The following SLC14A2 variants were observed in gnomAD, a reference collection of about 807,000 sequenced individuals.
SLC14A2 encodes the protein urea transporter 2.
SLC14A2 carries 91 observed loss-of-function variants against 104.6 expected under a neutral mutation model. That is an observed-to-expected ratio of 0.87 (90% confidence interval 0.73 to 1.04). The LOEUF is 1.04. Among genes scored for constraint, SLC14A2 ranks in the 50% least tolerant of loss-of-function variants. The pLI is 0.00. For synonymous variants in SLC14A2, 476 were observed against 466.4 expected, an observed-to-expected ratio of 1.02 and a Z score of -0.27; for missense variants, 1,189 against 1,156.0, an observed-to-expected ratio of 1.03 and a Z score of -0.41.
intron 2 of SLC14A2, among the ~76,000 whole-genome samples, chr18:45,532,808 C>T (rs1490328953): frequency 1.3e-5 from 2 of 152,140 alleles, no homozygotes; most frequent in African/African-American, 2.4e-5. Context: ...AGTTTTTGTC[C>T]ATTCAGTATG....
chr18:45,522,853 G>C (rs1192941009), intron 2 of SLC14A2, among the ~76,000 whole-genome samples: 1 of 152,152 alleles, frequency 6.6e-6, no homozygotes. Context: ...GCTATACCCT[G>C]TTGCCTTGGG....
chr18:45,270,136 C>T (rs997771205), intron 1 of SLC14A2, among the ~76,000 whole-genome samples: 4 of 152,062 alleles, frequency 2.6e-5, no homozygotes, highest in Admixed American at 2.6e-4. Flanking sequence ...AACGTCAAAG[C>T]CTAAACCATA....
At chr18:45,550,052 G>T (rs1055434446) in intron 2 of SLC14A2, 1 of 151,738 alleles carries the variant, frequency 6.6e-6, no homozygotes, top group Non-Finnish European at 1.5e-5. Context: ...ACATCAAGCT[G>T]CATAGAGAGA....
At chr18:45,569,309 T>C (rs1042841818) in intron 2 of SLC14A2, among the ~76,000 whole-genome samples, 32 of 152,230 alleles carry the variant, frequency 2.1e-4, no homozygotes, top group African/African-American at 7.5e-4. Flanking sequence ...AGCCTATAAA[T>C]GCTCTCAACT....
intron 2 of SLC14A2, among the ~76,000 whole-genome samples, chr18:45,507,035 T>C (rs1277512946): frequency 6.6e-6 from 1 of 152,172 alleles, no homozygotes; most frequent in African/African-American, 2.4e-5. Flanking sequence ...TTCCTGTACA[T>C]TGAAGGAGAT....
the SLC14A2 span, among the ~76,000 whole-genome samples, chr18:45,171,638 G>A: frequency 1.3e-5 from 2 of 152,134 alleles, no homozygotes; most frequent in Non-Finnish European, 2.9e-5. Context: ...AGATGAAAAA[G>A]GGACAGCCAT....
chr18:45,310,703 G>A (rs562608003), intron 1 of SLC14A2, among the ~76,000 whole-genome samples: 1 of 152,320 alleles, frequency 6.6e-6, no homozygotes, highest in African/African-American at 2.4e-5. Context: ...TAAGTGACAT[G>A]CACACTATGT....
intron 1 of SLC14A2, among the ~76,000 whole-genome samples, chr18:45,399,479 G>A (rs890330260): frequency 5.9e-5 from 9 of 152,252 alleles, no homozygotes; most frequent in South Asian, 2.1e-4. Flanking sequence ...AAATATTCTG[G>A]ATGTAGGCAG....
At chr18:45,205,509 T>C in the SLC14A2 span, among the ~76,000 whole-genome samples, 56 of 152,192 alleles carry the variant, frequency 3.7e-4, no homozygotes, top group Middle Eastern at 3.4e-3. Context: ...ATGAGGACCA[T>C]TGGGGGTTAA....
chr18:45,299,751 C>T (rs965228190), intron 1 of SLC14A2, among the ~76,000 whole-genome samples: 4 of 152,162 alleles, frequency 2.6e-5, no homozygotes, highest in African/African-American at 7.2e-5. Context: ...TGTGACCCAC[C>T]GTGCCCGGCA....
intron 1 of SLC14A2, among the ~76,000 whole-genome samples, chr18:45,301,840 A>T (rs2084971811): frequency 1.3e-5 from 2 of 152,110 alleles, no homozygotes; most frequent in Non-Finnish European, 2.9e-5. Context: ...TGGCCCATTT[A>T]TTTGTCCTTG....
chr18:45,652,643 T>C (rs1334340331), intron 10 of SLC14A2, among the ~76,000 whole-genome samples: 1 of 152,202 alleles, frequency 6.6e-6, no homozygotes, highest in Non-Finnish European at 1.5e-5. Flanking sequence ...CCACGAGCAT[T>C]GTGAAGAAAA....
intron 1 of SLC14A2, among the ~76,000 whole-genome samples, chr18:45,389,655 T>C (rs2085939108): frequency 6.6e-6 from 1 of 152,218 alleles, no homozygotes; most frequent in Admixed American, 6.5e-5. Flanking sequence ...AGGTGCTTTA[T>C]ATTTGAGAAT....
chr18:45,205,661 A>G, the SLC14A2 span, among the ~76,000 whole-genome samples: 64 of 152,316 alleles, frequency 4.2e-4, no homozygotes, highest in African/African-American at 1.5e-3. Context: ...TCACTAGCAA[A>G]CCAACCTAGT....
At chr18:45,416,968 C>T (rs749391818) in intron 1 of SLC14A2, among the ~76,000 whole-genome samples, 3 of 152,152 alleles carry the variant, frequency 2.0e-5, no homozygotes, top group African/African-American at 2.4e-5. Flanking sequence ...CTATGGAGCA[C>T]GTGTGTGTAC....
chr18:45,508,253 G>T (rs1158184757), intron 2 of SLC14A2, among the ~76,000 whole-genome samples: 1 of 152,166 alleles, frequency 6.6e-6, no homozygotes, highest in Non-Finnish European at 1.5e-5. Context: ...TTGGAAGAGG[G>T]CAGGGCCTTT....
At chr18:45,525,973 G>T (rs1046083617) in intron 2 of SLC14A2, among the ~76,000 whole-genome samples, 2 of 152,156 alleles carry the variant, frequency 1.3e-5, no homozygotes, top group African/African-American at 4.8e-5. Flanking sequence ...GTAGCTCAAA[G>T]GGTATTTGTA....
chr18:45,480,389 G>A (rs531407266), intron 1 of SLC14A2, among the ~76,000 whole-genome samples: 16 of 152,254 alleles, frequency 1.1e-4, no homozygotes, highest in Admixed American at 9.8e-4. Flanking sequence ...TCACTGCTGA[G>A]CTGAATGCAA....
intron 1 of SLC14A2, among the ~76,000 whole-genome samples, chr18:45,247,725 A>C (rs1013820448): frequency 5.3e-5 from 8 of 149,802 alleles, no homozygotes; most frequent in Non-Finnish European, 1.2e-4. Context: ...TTTCATATTA[A>C]CACAGTCAAA....
Sources: gnomAD v4.1 joint callset for allele counts (sites outside exome capture counted in the v4.1 genomes callset) on GRCh38, gnomAD v4.1.1 for gene constraint, MANE v1.5 for transcripts, NCBI Gene and HGNC (gene_info 2026-07-23, HGNC 2026-07-21) for gene names.